Variants in IGSF5 observed in about 807,000 individuals in gnomAD.
IGSF5 encodes immunoglobulin superfamily member 5.
A neutral mutation model predicts 39.4 loss-of-function variants in IGSF5; 41 were observed. The observed-to-expected ratio is 1.04, with a 90% CI of 0.81 to 1.35. IGSF5 has a LOEUF of 1.35. IGSF5 is among the 40% of genes most tolerant of loss of function. The pLI, the probability that IGSF5 is intolerant of heterozygous loss-of-function variation, is 0.00. For synonymous variants in IGSF5, 183 were observed against 175.3 expected (o/e 1.04, Z -0.34); for missense variants, 487 against 494.6 (o/e 0.98, Z 0.15).
chr21:39,775,525 A>G (rs568107755), intron 4 of IGSF5, among the ~76,000 whole-genome samples: 2 of 152,290 alleles, frequency 1.3e-5, no homozygotes, highest in African/African-American at 4.8e-5. Context: ...TTAAAACTCT[A>G]TGCATTCCTT....
intron 2 of IGSF5, among the ~76,000 whole-genome samples, chr21:39,755,222 C>G (rs1012979272): frequency 1.3e-5 from 2 of 152,174 alleles, no homozygotes; most frequent in Non-Finnish European, 2.9e-5. Flanking sequence ...CTCAATTTCT[C>G]CTTCATCCTC....
chr21:39,788,131 C>T, intron 5 of IGSF5, 36 bp from the exon 6 acceptor site: 1 of 1,540,236 alleles, frequency 6.5e-7, no homozygotes, highest in South Asian at 1.2e-5. Flanking sequence ...AATAAGTATC[C>T]CGATTTTTCC....
chr21:39,799,032 G>C (rs1353656078), intron 8 of IGSF5, among the ~76,000 whole-genome samples: 2 of 152,162 alleles, frequency 1.3e-5, no homozygotes, highest in South Asian at 2.1e-4. Context: ...CTTAGGCCAG[G>C]TCCTCAGGGG....
Position 39,757,059 on chromosome 21 carries a change from G to A in IGSF5, c.101-8476G>A, listed in dbSNP as rs187868813. ...AGGCACAGTCCCCCCGAGAGCCTTAGTACCTGCTCTTTCCTCTGCTGGGAA... is the reference window on the plus strand; with the variant it reads ...AGGCACAGTCCCCCCGAGAGCCTTAATACCTGCTCTTTCCTCTGCTGGGAA... On this transcript the variant is annotated intron_variant, in intron 2 of 8. Coordinates refer to ENST00000380588, the MANE Select transcript of IGSF5 (RefSeq NM_001080444.2). Among the ~76,000 whole-genome samples the A allele has an allele frequency of 8.3e-3, 1,249 of 150,642 alleles. 5 individuals are homozygous for A. The highest frequency in any genetic ancestry group is 0.013 in the Admixed American group (200 of 15,134).
Position 39,771,055 on chromosome 21 carries a change from CT to C in IGSF5, c.559del (p.Tyr187IlefsTer14). On this transcript the variant is annotated frameshift_variant, in exon 4 of 9. Transcript: ENST00000380588. LOFTEE classifies it high-confidence loss of function. ...TCGGTCTCCTGGTCAGCCATTCAAG[CT>C]ATTATTTTGTTCCGGAGCCCAGCGA... ...ELGLLVSHSS[Y>X]YFVPEPSDLQ... 1 of 1,613,760 alleles carries C rather than the reference CT, an allele frequency of 6.2e-7. No homozygotes were observed. Among genetic ancestry groups the C allele is most frequent in the Non-Finnish European group, 8.5e-7 (1 of 1,179,880 alleles).
At chr21:39,754,556 G>A (rs1285121962) in intron 2 of IGSF5, among the ~76,000 whole-genome samples, 27 of 152,218 alleles carry the variant, frequency 1.8e-4, no homozygotes, top group Admixed American at 1.8e-3. Flanking sequence ...AGCTTGGTGA[G>A]TCCTGGCTGA....
the IGSF5 span, among the ~76,000 whole-genome samples, chr21:39,737,284 A>G: frequency 6.6e-6 from 1 of 151,896 alleles, no homozygotes; most frequent in Non-Finnish European, 1.5e-5. Flanking sequence ...GGGGTTCTCC[A>G]ACACAAATTG....
the IGSF5 span, among the ~76,000 whole-genome samples, chr21:39,711,900 G>A: frequency 6.6e-6 from 1 of 152,132 alleles, no homozygotes; most frequent in Non-Finnish European, 1.5e-5. Flanking sequence ...TCTTGCTGCT[G>A]GTTGTATGGC....
In IGSF5 at chr21:39,801,322, A is replaced by C. The variant is rs201807214; in HGVS notation, c.1189A>C (p.Ser397Arg). 1 of 1,614,110 alleles carries C rather than the reference A, an allele frequency of 6.2e-7. No individual in the cohort carries two copies. The change falls in exon 9 of 9, where the codon AGT becomes CGT. Residue 397 changes from serine (S) to arginine (R), a missense_variant. Transcript: ENST00000380588. Reference protein sequence around the residue: ...SHPQASFNLASPEKVSNTTVV With the variant: ...SHPQASFNLARPEKVSNTTVV ...TCCACAGGCTTCTTTTAATCTGGCC[A>C]GTCCTGAGAAGGTCAGTAATACAAC...
Position 39,745,607 on chromosome 21 carries a change from G to T in IGSF5, c.17+81G>T, listed in dbSNP as rs1230205608. ...CTCAATCAGCTACTGCTGGGAGGTT[G>T]GGACGACAGCTTTCTGCCTCTAGTT... On this transcript the variant is annotated intron_variant, in intron 1 of 8. Transcript: ENST00000380588. 2.7e-5 allele frequency: 19 copies of T among 697,902 alleles called. No homozygotes were observed. The South Asian group carries it at 2.9e-4, about 11-fold the overall frequency. The allele number at this position is 697,902 out of a possible 1,614,324, so 43.2% of individuals were successfully genotyped here. A position where few individuals can be genotyped will look rare whatever the true frequency, so the allele number is the denominator to read the frequency against.
At chr21:39,793,327 G>A (rs1368991250) in intron 7 of IGSF5, among the ~76,000 whole-genome samples, 1 of 152,126 alleles carries the variant, frequency 6.6e-6, no homozygotes, top group Admixed American at 6.5e-5. Flanking sequence ...TGGATTTTGA[G>A]TTAGTTTTCC....
chr21:39,739,894 G>A, the IGSF5 span, among the ~76,000 whole-genome samples: 1 of 152,172 alleles, frequency 6.6e-6, no homozygotes, highest in Non-Finnish European at 1.5e-5. Context: ...GGATTCAAAT[G>A]TATGGCCTGG....
At chr21:39,787,039 C>G (rs895463731) in intron 5 of IGSF5, among the ~76,000 whole-genome samples, 1 of 152,018 alleles carries the variant, frequency 6.6e-6, no homozygotes, top group Admixed American at 6.6e-5. Context: ...AGCGCACCAG[C>G]ATGTCACATG....
At chr21:39,760,666 G>A (rs1402385522) in intron 2 of IGSF5, among the ~76,000 whole-genome samples, 1 of 152,032 alleles carries the variant, frequency 6.6e-6, no homozygotes, top group Non-Finnish European at 1.5e-5. Flanking sequence ...CGCCTCACAT[G>A]TTAAAGCGAT....
At chr21:39,736,903 CATG>C in the IGSF5 span, among the ~76,000 whole-genome samples, 15 of 152,256 alleles carry the variant, frequency 9.9e-5, no homozygotes, top group Admixed American at 2.0e-4. Context: ...CCGACTGACG[CATG>C]ATGACAGAGG....
the IGSF5 span, among the ~76,000 whole-genome samples, chr21:39,715,459 T>C: frequency 6.6e-6 from 1 of 152,220 alleles, no homozygotes; most frequent in East Asian, 1.9e-4. Context: ...TCTTTCTAAA[T>C]GTAAATACAT....
At position 39,774,262 on chromosome 21, in the gene IGSF5, G is replaced by A. The variant is rs369416947; in HGVS notation, c.718+3047G>A. 1.8e-4 allele frequency among the ~76,000 whole-genome samples: 27 copies of A among 152,346 alleles called. 1 individual carries two copies. Among genetic ancestry groups the A allele is most frequent in the Admixed American group, 1.0e-3 (16 of 15,296 alleles). On this transcript the variant is annotated intron_variant, in intron 4 of 8. Coordinates refer to ENST00000380588, the MANE Select transcript of IGSF5 (RefSeq NM_001080444.2). ...AGCTGGTGACCAGACGAGGCTGTAA[G>A]GAGAACAGCCAGGTTTCCAGAGAGC...
the IGSF5 span, among the ~76,000 whole-genome samples, chr21:39,739,460 G>A: frequency 6.6e-6 from 1 of 152,098 alleles, no homozygotes; most frequent in African/African-American, 2.4e-5. Flanking sequence ...TAGCATTTTA[G>A]TGAGCTCTCC....
the IGSF5 span, among the ~76,000 whole-genome samples, chr21:39,721,030 G>GAGA: frequency 6.6e-6 from 1 of 152,162 alleles, no homozygotes; most frequent in Non-Finnish European, 1.5e-5. Context: ...CCTGTAGAAC[G>GAGA]AGACATTTTA....
Sources: allele counts gnomAD v4.1 joint callset (sites outside exome capture counted in the v4.1 genomes callset), GRCh38; gene constraint gnomAD v4.1.1; transcripts MANE v1.5; gene names NCBI Gene and HGNC (gene_info 2026-07-23, HGNC 2026-07-21).